The following UMAD1 variants were observed in gnomAD, a reference collection of about 807,000 sequenced individuals.
UMAD1 encodes the protein UBAP1-MVB12-associated (UMA)-domain containing protein 1.
In UMAD1, 8 loss-of-function variants were observed where a neutral mutation model predicts 6.1. The ratio of observed to expected loss-of-function variants is 1.30; its 90% CI spans 0.76 to 2.35. The LOEUF (loss-of-function observed/expected upper bound fraction) is 2.35, where lower values mean the gene tolerates loss of function less well. Ranked by LOEUF, UMAD1 falls within the 30% of genes most tolerant of loss-of-function variation. The probability of loss-of-function intolerance (pLI) is 0.00; values close to 1 mark genes in which losing one functional copy is unlikely to be tolerated. For synonymous variants in UMAD1, 56 were observed against 31.4 expected, an observed-to-expected ratio of 1.78 and a Z score of -2.61; for missense variants, 130 against 78.4, an observed-to-expected ratio of 1.66 and a Z score of -2.49.
At chr7:7,838,950 G>A (rs1334554529) in intron 3 of UMAD1, among the ~76,000 whole-genome samples, 1 of 152,048 alleles carries the variant, frequency 6.6e-6, no homozygotes, top group Non-Finnish European at 1.5e-5. Context: ...CTATAAAGAA[G>A]AGCAAAACAA....
chr7:7,771,301 T>C (rs1782096132), intron 2 of UMAD1, among the ~76,000 whole-genome samples: 2 of 152,082 alleles, frequency 1.3e-5, no homozygotes, highest in Admixed American at 6.6e-5. Flanking sequence ...TGAAATCACA[T>C]ATAGCTAGGG....
intron 2 of UMAD1, among the ~76,000 whole-genome samples, chr7:7,765,836 T>G (rs1030590503): frequency 1.8e-4 from 27 of 152,320 alleles, no homozygotes; most frequent in Non-Finnish European, 3.1e-4. Context: ...ATCTATCTGG[T>G]TTTATAAATA....
intron 3 of UMAD1, among the ~76,000 whole-genome samples, chr7:7,843,857 G>T (rs577010987): frequency 6.6e-6 from 1 of 152,146 alleles, no homozygotes; most frequent in African/African-American, 2.4e-5. Context: ...ATCCCCTAAA[G>T]CCATTCCTTC....
rs141723588 is a variant in UMAD1, at chr7:7,755,330, A to G, written c.83-46340A>G. Reference sequence around the variant, plus strand: ...TCCCAATAGCACTCACTGAAGTAATATAAACCTTGTTAACTGTAGTAAAAA... The same window carrying G: ...TCCCAATAGCACTCACTGAAGTAATGTAAACCTTGTTAACTGTAGTAAAAA... On this transcript the variant is annotated intron_variant, in intron 2 of 3. Transcript: ENST00000682710. 3.9e-3 allele frequency among the ~76,000 whole-genome samples: 589 copies of G among 152,332 alleles called. 15 individuals are homozygous for G. Among genetic ancestry groups the G allele is most frequent in the Non-Finnish European group, 8.8e-4 (60 of 68,028 alleles).
chr7:7,682,108 C>T (rs938347279), intron 2 of UMAD1, among the ~76,000 whole-genome samples: 1 of 152,076 alleles, frequency 6.6e-6, no homozygotes. Flanking sequence ...AATTGGGTTA[C>T]AGTACAAGGG....
At chr7:7,677,484 C>T (rs898074325) in intron 2 of UMAD1, among the ~76,000 whole-genome samples, 1 of 152,026 alleles carries the variant, frequency 6.6e-6, no homozygotes, top group African/African-American at 2.4e-5. Context: ...TGAGCTCCCT[C>T]ATATGAGTGA....
At chr7:7,796,517 T>C (rs540715341) in intron 2 of UMAD1, among the ~76,000 whole-genome samples, 1 of 152,154 alleles carries the variant, frequency 6.6e-6, no homozygotes, top group Non-Finnish European at 1.5e-5. Context: ...TCCCAAAGTG[T>C]TGGGATTACA....
chr7:7,807,949 CT>C (rs1448753818), intron 3 of UMAD1, among the ~76,000 whole-genome samples: 1 of 152,010 alleles, frequency 6.6e-6, no homozygotes, highest in African/African-American at 2.4e-5. Flanking sequence ...AATAGGGTAA[CT>C]TTAGGAGACA....
intron 3 of UMAD1, among the ~76,000 whole-genome samples, chr7:7,828,847 G>A (rs1489040498): frequency 6.6e-6 from 1 of 152,052 alleles, no homozygotes; most frequent in African/African-American, 2.4e-5. Context: ...AAAATCGACT[G>A]GCCCAGGTCT....
intron 2 of UMAD1, among the ~76,000 whole-genome samples, chr7:7,782,208 T>C (rs1210274745): frequency 6.6e-6 from 1 of 151,902 alleles, no homozygotes; most frequent in African/African-American, 2.4e-5. Flanking sequence ...AATAATTTTT[T>C]TAAATACTAA....
At chr7:7,794,605 G>T (rs1165893318) in intron 2 of UMAD1, among the ~76,000 whole-genome samples, 1 of 152,098 alleles carries the variant, frequency 6.6e-6, no homozygotes, top group Admixed American at 6.5e-5. Context: ...GAGATTATAA[G>T]ACTGACAAAA....
intron 2 of UMAD1, among the ~76,000 whole-genome samples, chr7:7,801,263 G>A (rs954678361): frequency 4.6e-5 from 7 of 152,142 alleles, no homozygotes; most frequent in Non-Finnish European, 8.8e-5. Flanking sequence ...ATCCACAAAC[G>A]CTTACAAAGA....
At chr7:7,737,006 G>GGCCA (rs1781371903) in intron 2 of UMAD1, among the ~76,000 whole-genome samples, 1 of 152,372 alleles carries the variant, frequency 6.6e-6, no homozygotes. Context: ...AAGCTGCCAT[G>GGCCA]GCCACCTTGC....
intron 2 of UMAD1, among the ~76,000 whole-genome samples, chr7:7,704,772 A>G (rs1218169818): frequency 6.8e-6 from 1 of 147,958 alleles, no homozygotes; most frequent in Admixed American, 6.7e-5. Flanking sequence ...ATCTCAAAAA[A>G]AAAAAAAAAA....
chr7:7,785,235 T>C (rs1368903925), intron 2 of UMAD1, among the ~76,000 whole-genome samples: 3 of 152,222 alleles, frequency 2.0e-5, no homozygotes, highest in Non-Finnish European at 4.4e-5. Context: ...AGAAATGCAG[T>C]AAGACTTTTA....
At chr7:7,823,742 G>C (rs1159264164) in intron 3 of UMAD1, among the ~76,000 whole-genome samples, 3 of 152,104 alleles carry the variant, frequency 2.0e-5, no homozygotes, top group Admixed American at 2.0e-4. Flanking sequence ...TAATAAGGAT[G>C]ATTTAAAGAC....
chr7:7,839,493 C>CT (rs1480559518), intron 3 of UMAD1, among the ~76,000 whole-genome samples: 5 of 152,170 alleles, frequency 3.3e-5, no homozygotes, highest in South Asian at 4.1e-4. Flanking sequence ...CAGATGAACA[C>CT]TTTTTTTTGA....
intron 2 of UMAD1, among the ~76,000 whole-genome samples, chr7:7,778,275 T>TGAGAGAGAGAGAGA (rs1554327252): frequency 1.4e-4 from 16 of 110,588 alleles, no homozygotes; most frequent in South Asian, 3.2e-4. Context: ...TGTGTGTGTG[T>TGAGAGAGAGAGAGA]GAGAGAGAGA....
At chr7:7,846,438 G>C (rs1157356838) in intron 3 of UMAD1, among the ~76,000 whole-genome samples, 1 of 152,018 alleles carries the variant, frequency 6.6e-6, no homozygotes, top group Non-Finnish European at 1.5e-5. Context: ...ACCTGCAAGA[G>C]ATATTACAAT....
Sources: allele counts gnomAD v4.1 joint callset (sites outside exome capture counted in the v4.1 genomes callset), GRCh38; gene constraint gnomAD v4.1.1; transcripts MANE v1.5; gene names NCBI Gene and HGNC (gene_info 2026-07-23, HGNC 2026-07-21).